Variants in PCSK5 observed in about 807,000 individuals in gnomAD.
The protein encoded by PCSK5 is prohormone convertase 5.
PCSK5 carries 129 observed loss-of-function variants against 233.2 expected under a neutral mutation model. The observed-to-expected ratio is 0.55, with a 90% CI of 0.48 to 0.64. PCSK5 has a LOEUF of 0.64. Among genes scored for constraint, PCSK5 ranks in the 30% least tolerant of loss-of-function variants. The pLI is 0.00. For synonymous variants in PCSK5, 825 were observed against 879.2 expected (o/e 0.94, Z 1.09); for missense variants, 2,076 against 2,430.1 (o/e 0.85, Z 3.06).
rs1830148471 is a variant in PCSK5 at position 76,351,516 on chromosome 9, GAAAGAAAGA to G, written c.5067+591_5067+599del. Among the ~76,000 whole-genome samples, 3 of 112,830 alleles carry G rather than the reference GAAAGAAAGA, an allele frequency of 2.7e-5. 1 individual carries two copies. Among genetic ancestry groups the G allele is most frequent in the Admixed American group, 9.6e-5 (1 of 10,388 alleles). The allele number at this position is 112,830 out of a possible 152,430, so 74.0% of individuals were successfully genotyped here. A position where few individuals can be genotyped will look rare whatever the true frequency, so the allele number is the denominator to read the frequency against. On this transcript the variant is annotated intron_variant, in intron 36 of 37. Coordinates refer to ENST00000674117, the MANE Select transcript of PCSK5 (RefSeq NM_001372043.1). ...AGAAAGAAAGAAAGAAAGAAAGAAA[GAAAGAAAGA>G]AAGAAAGGAAGGAAAGAAAGAGAAA...
intron 24 of PCSK5, among the ~76,000 whole-genome samples, chr9:76,275,096 T>TA (rs139067016): frequency 1.2e-3 from 188 of 150,676 alleles, no homozygotes; most frequent in African/African-American, 3.5e-3. Context: ...ACATTGGAGA[T>TA]AAAAAAAAAA....
At chr9:76,035,950 T>C (rs1484128980) in intron 5 of PCSK5, among the ~76,000 whole-genome samples, 1 of 152,046 alleles carries the variant, frequency 6.6e-6, no homozygotes. Flanking sequence ...GGTTAGTTGC[T>C]GAACAAGGAG....
chr9:76,199,113 A>T (rs374337240), intron 20 of PCSK5, among the ~76,000 whole-genome samples: 1 of 152,208 alleles, frequency 6.6e-6, no homozygotes, highest in Admixed American at 6.5e-5. Flanking sequence ...GACAGCAGGG[A>T]TATGTCTGAG....
At chr9:76,288,054 A>C (rs922087557) in intron 24 of PCSK5, 3 of 152,216 alleles carry the variant, frequency 2.0e-5, no homozygotes, top group Admixed American at 2.0e-4. Flanking sequence ...TTCCTGTTTA[A>C]GGTGTTGAAA....
At chr9:76,353,116 C>T (rs1022131358) in intron 36 of PCSK5, among the ~76,000 whole-genome samples, 2 of 152,168 alleles carry the variant, frequency 1.3e-5, no homozygotes, top group Non-Finnish European at 2.9e-5. Flanking sequence ...GAGATAATAA[C>T]AGCTGAGAAA....
intron 10 of PCSK5, among the ~76,000 whole-genome samples, chr9:76,150,407 G>A (rs1823623121): frequency 6.6e-6 from 1 of 152,166 alleles, no homozygotes; most frequent in South Asian, 2.1e-4. Context: ...GCTGACACGG[G>A]CGGATCACCT....
At chr9:76,035,962 A>T (rs1439315534) in intron 5 of PCSK5, among the ~76,000 whole-genome samples, 1 of 152,138 alleles carries the variant, frequency 6.6e-6, no homozygotes, top group African/African-American at 2.4e-5. Flanking sequence ...AACAAGGAGG[A>T]AAGAAAAGCC....
intron 2 of PCSK5, among the ~76,000 whole-genome samples, chr9:75,935,580 A>G (rs910089810): frequency 5.3e-5 from 8 of 152,124 alleles, no homozygotes; most frequent in East Asian, 1.9e-4. Flanking sequence ...ACTTTATCCA[A>G]ATTTTTTGAT....
chr9:76,257,034 A>C (rs766598453), intron 24 of PCSK5, among the ~76,000 whole-genome samples: 36 of 152,260 alleles, frequency 2.4e-4, no homozygotes, highest in Non-Finnish European at 4.6e-4. Context: ...ATATCAAAAC[A>C]GAATTTAATT....
chr9:76,274,643 A>G (rs933448600), intron 24 of PCSK5, among the ~76,000 whole-genome samples: 1 of 152,168 alleles, frequency 6.6e-6, no homozygotes. Context: ...GATGTTCTAG[A>G]ACACACAAGT....
At chr9:76,196,824 C>T (rs372305667) in intron 20 of PCSK5, among the ~76,000 whole-genome samples, 1 of 152,158 alleles carries the variant, frequency 6.6e-6, no homozygotes, top group East Asian at 1.9e-4. Context: ...AACTGGGCCA[C>T]ATAGACTTGA....
chr9:76,228,031 G>A (rs1297829045), intron 21 of PCSK5, among the ~76,000 whole-genome samples: 4 of 150,568 alleles, frequency 2.7e-5, no homozygotes, highest in Non-Finnish European at 3.0e-5. Context: ...GTGCAGTGGC[G>A]CGATCTCTGC....
chr9:76,343,038 T>C (rs1006548051), intron 35 of PCSK5, among the ~76,000 whole-genome samples: 1 of 152,210 alleles, frequency 6.6e-6, no homozygotes, highest in Non-Finnish European at 1.5e-5. Flanking sequence ...TTGGTCTTCC[T>C]ACCTTTAGCA....
intron 1 of PCSK5, among the ~76,000 whole-genome samples, chr9:75,891,777 G>T (rs369122212): frequency 6.6e-6 from 1 of 151,978 alleles, no homozygotes; most frequent in African/African-American, 2.4e-5. Flanking sequence ...TGGGGGATAG[G>T]GGGTGAGCGC....
At chr9:76,170,358 C>T (rs528352463) in intron 13 of PCSK5, among the ~76,000 whole-genome samples, 26 of 152,306 alleles carry the variant, frequency 1.7e-4, no homozygotes, top group Admixed American at 3.9e-4. Context: ...GAAAAAGAAA[C>T]CCTTCTTGAC....
chr9:76,139,671 A>G lies in PCSK5; in HGVS notation c.1312+5459A>G, dbSNP rs79527218. Among the ~76,000 whole-genome samples the G allele has an allele frequency of 4.2e-3, 640 of 152,162 alleles. 3 individuals are homozygous for G. The highest frequency in any genetic ancestry group is 0.015 in the African/African-American group (610 of 41,540). ...TTTTTAAGATTCTATGTTTTCTACCATTGTGCTCTGCAAACTCATACCCAT... is the reference window on the plus strand; with the variant it reads ...TTTTTAAGATTCTATGTTTTCTACCGTTGTGCTCTGCAAACTCATACCCAT... On this transcript the variant is annotated intron_variant, in intron 10 of 37. Coordinates refer to ENST00000674117, the MANE Select transcript of PCSK5 (RefSeq NM_001372043.1).
intron 24 of PCSK5, among the ~76,000 whole-genome samples, chr9:76,288,499 T>TG (rs1487080219): frequency 6.6e-6 from 1 of 152,182 alleles, no homozygotes; most frequent in Non-Finnish European, 1.5e-5. Context: ...CCCTGTAATC[T>TG]CAGCACTTTG....
intron 20 of PCSK5, among the ~76,000 whole-genome samples, chr9:76,201,158 G>A (rs1007728904): frequency 6.6e-6 from 1 of 152,096 alleles, no homozygotes; most frequent in Non-Finnish European, 1.5e-5. Flanking sequence ...ACTGGACTTG[G>A]GACCATAAGC....
rs143908219 is a variant in PCSK5, at chr9:75,953,826, A to G, written c.297+21343A>G. On this transcript the variant is annotated intron_variant, in intron 2 of 37. Transcript: ENST00000674117. ...TAATTAGACCTTAGTAAAAGAAAAA[A>G]AAAATATGAGTATGTGGTTTTGTCA... 3.9e-3 allele frequency among the ~76,000 whole-genome samples: 587 copies of G among 152,280 alleles called. 1 individual carries two copies. The highest frequency in any genetic ancestry group is 6.9e-3 in the Non-Finnish European group (470 of 68,012).
Sources: allele counts gnomAD v4.1 joint callset (sites outside exome capture counted in the v4.1 genomes callset), GRCh38; gene constraint gnomAD v4.1.1; transcripts MANE v1.5; gene names NCBI Gene and HGNC (gene_info 2026-07-23, HGNC 2026-07-21).